Variants in NHERF1 observed in about 807,000 individuals in gnomAD.
NHERF1 encodes the protein Na(+)/H(+) exchange regulatory cofactor NHE-RF1.
the NHERF1 span, among the ~76,000 whole-genome samples, chr17:74,767,175 G>A: frequency 6.6e-6 from 1 of 152,236 alleles, no homozygotes; most frequent in Non-Finnish European, 1.5e-5. Flanking sequence ...GCTGTCAGGA[G>A]GGAGCGGGCT....
chr17:74,764,230 CCT>C, the NHERF1 span, among the ~76,000 whole-genome samples: 2 of 152,208 alleles, frequency 1.3e-5, no homozygotes, highest in Non-Finnish European at 2.9e-5. The surrounding 1 kb of genome is among the most constrained non-coding windows in gnomAD (Gnocchi z 4.9). Context: ...GAGGGTGGAA[CCT>C]CTTGGGACTT....
chr17:74,765,684 T>C, the NHERF1 span, among the ~76,000 whole-genome samples: 3,448 of 152,024 alleles, frequency 0.023, 133 homozygotes, highest in African/African-American at 0.079. Context: ...CCTGAGTAGC[T>C]GGGATTACAG....
the NHERF1 span, among the ~76,000 whole-genome samples, chr17:74,766,024 C>T: frequency 5.9e-5 from 9 of 152,112 alleles, no homozygotes; most frequent in Non-Finnish European, 1.2e-4. Context: ...ACAAGCTTCC[C>T]ACGTAGGAGT....
the NHERF1 span, among the ~76,000 whole-genome samples, chr17:74,752,565 C>G: frequency 4.2e-3 from 644 of 152,164 alleles, 4 homozygotes; most frequent in Non-Finnish European, 7.9e-3. Flanking sequence ...GCAACCTCGC[C>G]TCGCTGCAGC....
chr17:74,764,829 G>A, the NHERF1 span, among the ~76,000 whole-genome samples: 1 of 152,202 alleles, frequency 6.6e-6, no homozygotes, highest in African/African-American at 2.4e-5. This position sits in a 1 kb window ranked among gnomAD's most constrained non-coding sequence, Gnocchi z 4.9. Flanking sequence ...CGGCTGCCAG[G>A]GTTTCACCCT....
the NHERF1 span, chr17:74,749,233 G>A: frequency 6.5e-7 from 1 of 1,529,234 alleles, no homozygotes; most frequent in South Asian, 1.2e-5. The surrounding 1 kb of genome is among the most constrained non-coding windows in gnomAD (Gnocchi z 5.6). Flanking sequence ...CCGAGGTGCA[G>A]GGGGCTGGCA....
At chr17:74,762,216 C>T in the NHERF1 span, 1 of 1,603,834 alleles carries the variant, frequency 6.2e-7, no homozygotes, top group Non-Finnish European at 8.5e-7. This position sits in a 1 kb window ranked among gnomAD's most constrained non-coding sequence, Gnocchi z 4.2. Flanking sequence ...CCCCCACCCC[C>T]TGCAGATCAG....
the NHERF1 span, chr17:74,768,821 G>A: frequency 1.5e-6 from 1 of 647,588 alleles, no homozygotes; most frequent in South Asian, 1.9e-5. Flanking sequence ...TGACTTTAGG[G>A]AAGGTGAATG....
At chr17:74,748,934 G>T in the NHERF1 span, 4 of 1,603,672 alleles carry the variant, frequency 2.5e-6, no homozygotes, top group Non-Finnish European at 3.4e-6. This position sits in a 1 kb window ranked among gnomAD's most constrained non-coding sequence, Gnocchi z 4.3. Context: ...CCACCTGCAC[G>T]GGGAGAAGGG....
At chr17:74,756,359 A>G in the NHERF1 span, among the ~76,000 whole-genome samples, 1 of 137,656 alleles carries the variant, frequency 7.3e-6, no homozygotes, top group Non-Finnish European at 1.5e-5. Flanking sequence ...GCTCACTGCA[A>G]CCTCCGCCTC....
chr17:74,765,486 T>C, the NHERF1 span, among the ~76,000 whole-genome samples: 1 of 151,590 alleles, frequency 6.6e-6, no homozygotes, highest in Admixed American at 6.6e-5. Context: ...TCTCGATCTC[T>C]TGACCTTGTG....
chr17:74,760,222 G>T, the NHERF1 span, among the ~76,000 whole-genome samples: 460 of 151,826 alleles, frequency 3.0e-3, 5 homozygotes, highest in African/African-American at 0.01. The surrounding 1 kb of genome is among the most constrained non-coding windows in gnomAD (Gnocchi z 4.5). Flanking sequence ...TGGGAGTGCC[G>T]GGGGGTGAGC....
At chr17:74,764,310 G>T in the NHERF1 span, among the ~76,000 whole-genome samples, 6 of 152,210 alleles carry the variant, frequency 3.9e-5, no homozygotes, top group African/African-American at 1.4e-4. The surrounding 1 kb of genome is among the most constrained non-coding windows in gnomAD (Gnocchi z 4.9). Context: ...CAAAGGTCCT[G>T]CGACTCCCAT....
chr17:74,749,189 G>A, the NHERF1 span: 1 of 1,528,226 alleles, frequency 6.5e-7, no homozygotes, highest in Non-Finnish European at 8.8e-7. This position sits in a 1 kb window ranked among gnomAD's most constrained non-coding sequence, Gnocchi z 5.6. Context: ...GCGCGCCCAG[G>A]AAGCGCCGGG....
At chr17:74,749,183 G>C in the NHERF1 span, 17 of 1,529,278 alleles carry the variant, frequency 1.1e-5, no homozygotes, top group Admixed American at 2.0e-5. The surrounding 1 kb of genome is among the most constrained non-coding windows in gnomAD (Gnocchi z 5.6). Context: ...GCTGCTGCGC[G>C]CCCAGGAAGC....
the NHERF1 span, chr17:74,766,998 C>T: frequency 6.2e-7 from 1 of 1,611,126 alleles, no homozygotes; most frequent in Non-Finnish European, 8.5e-7. Flanking sequence ...TCCCCTGTCT[C>T]TTTGGATTTC....
At chr17:74,755,208 T>A in the NHERF1 span, among the ~76,000 whole-genome samples, 1 of 152,226 alleles carries the variant, frequency 6.6e-6, no homozygotes, top group Admixed American at 6.5e-5. Context: ...CTGCTTGAAC[T>A]GGCTTCCTGT....
At chr17:74,766,917 T>A in the NHERF1 span, 1 of 1,613,914 alleles carries the variant, frequency 6.2e-7, no homozygotes, top group African/African-American at 1.3e-5. Context: ...GACTCACCTC[T>A]GCTCTGTCCT....
the NHERF1 span, chr17:74,761,954 G>T: frequency 6.8e-5 from 108 of 1,587,938 alleles, no homozygotes; most frequent in African/African-American, 1.3e-3. This position sits in a 1 kb window ranked among gnomAD's most constrained non-coding sequence, Gnocchi z 4.3. Flanking sequence ...GCAGAGGACA[G>T]GGAAGGCAGA....
Sources: allele counts gnomAD v4.1 joint callset (sites outside exome capture counted in the v4.1 genomes callset), GRCh38; gene constraint gnomAD v4.1.1; non-coding constraint Gnocchi (gnomAD v3.1); transcripts MANE v1.5; gene names NCBI Gene and HGNC (gene_info 2026-07-23, HGNC 2026-07-21).